ANXA8: variants seen among roughly 807,000 people sequenced by gnomAD.
ANXA8 encodes the protein VAC-beta.
In ANXA8, 9 loss-of-function variants were observed where a neutral mutation model predicts 26.8. That is an observed-to-expected ratio of 0.34 (90% CI 0.20 to 0.59). The LOEUF (loss-of-function observed/expected upper bound fraction) is 0.59. Ranked by LOEUF, ANXA8 falls within the 20% of genes least tolerant of loss-of-function variation. The pLI is 0.84. For synonymous variants in ANXA8, 39 were observed against 94.8 expected (o/e 0.41, Z 3.42); for missense variants, 83 against 238.5 (o/e 0.35, Z 4.29).
At chr10:47,733,191 T>TCTCTC in the ANXA8 span, among the ~76,000 whole-genome samples, 3 of 106,524 alleles carry the variant, frequency 2.8e-5, no homozygotes, top group African/African-American at 1.0e-4. Context: ...CTTTCTTTCT[T>TCTCTC]TCTTTCTTTC....
the ANXA8 span, among the ~76,000 whole-genome samples, chr10:47,679,985 T>C: frequency 1.3e-5 from 2 of 151,866 alleles, no homozygotes; most frequent in Non-Finnish European, 2.9e-5. Flanking sequence ...TTTTGTTTTT[T>C]TTTTTCTGAG....
At chr10:47,647,588 A>G in the ANXA8 span, among the ~76,000 whole-genome samples, 1 of 149,478 alleles carries the variant, frequency 6.7e-6, no homozygotes, top group South Asian at 2.1e-4. Context: ...ACTTTCCAGG[A>G]GAAATCACAG....
At chr10:47,521,274 C>A in the ANXA8 span, among the ~76,000 whole-genome samples, 2 of 136,968 alleles carry the variant, frequency 1.5e-5, 1 homozygote, top group African/African-American at 5.8e-5. Flanking sequence ...TGTGTAACAT[C>A]CATCAGGCTT....
chr10:47,895,801 A>G, the ANXA8 span, among the ~76,000 whole-genome samples: 1 of 150,086 alleles, frequency 6.7e-6, no homozygotes, highest in Non-Finnish European at 1.5e-5. Context: ...TGGCGGTGAG[A>G]TGGACTTGAG....
At chr10:47,889,016 GTATTTATT>G in the ANXA8 span, among the ~76,000 whole-genome samples, 10 of 107,886 alleles carry the variant, frequency 9.3e-5, 2 homozygotes, top group African/African-American at 3.8e-4. Flanking sequence ...GTGTGTGTGT[GTATTTATT>G]TATTTATTTA....
the ANXA8 span, among the ~76,000 whole-genome samples, chr10:47,694,221 T>A: frequency 1.1e-4 from 17 of 151,648 alleles, no homozygotes; most frequent in Non-Finnish European, 1.6e-4. Context: ...AAATCAGATT[T>A]TTTTTGTCTT....
chr10:47,591,434 A>ATTTTTTT, the ANXA8 span, among the ~76,000 whole-genome samples: 1 of 60,216 alleles, frequency 1.7e-5, no homozygotes, highest in Non-Finnish European at 2.9e-5. Flanking sequence ...TTCTTTCTGA[A>ATTTTTTT]TTTTTTTTTT....
At chr10:47,510,349 C>T in the ANXA8 span, 1 of 1,234,700 alleles carries the variant, frequency 8.1e-7, no homozygotes, top group African/African-American at 1.6e-5. Context: ...TGACAAAGCA[C>T]TAAGATATGT....
At chr10:47,627,146 G>A in the ANXA8 span, among the ~76,000 whole-genome samples, 6 of 149,728 alleles carry the variant, frequency 4.0e-5, 1 homozygote, top group South Asian at 8.3e-4. Flanking sequence ...CATGCTGACT[G>A]TACTCCTCTG....
At chr10:47,946,353 A>AG in the ANXA8 span, among the ~76,000 whole-genome samples, 8 of 150,532 alleles carry the variant, frequency 5.3e-5, 1 homozygote, top group East Asian at 1.4e-3. Context: ...CCTCCTCACT[A>AG]GTGTTTAACC....
chr10:47,676,066 A>G, the ANXA8 span, among the ~76,000 whole-genome samples: 32,469 of 147,828 alleles, frequency 0.22, 2,103 homozygotes, highest in East Asian at 0.45. Context: ...TGAATTCATT[A>G]CATGGGCTTA....
the ANXA8 span, among the ~76,000 whole-genome samples, chr10:47,747,810 G>A: frequency 4.9e-4 from 74 of 151,984 alleles, no homozygotes; most frequent in Middle Eastern, 6.8e-3. Flanking sequence ...GTGGAATAGA[G>A]ACTTTCATCA....
the ANXA8 span, among the ~76,000 whole-genome samples, chr10:47,956,774 T>G: frequency 1.3e-5 from 2 of 149,872 alleles, no homozygotes; most frequent in Non-Finnish European, 2.9e-5. Flanking sequence ...TTACCTTCCC[T>G]TCCTCGCACA....
At chr10:47,592,549 C>T in the ANXA8 span, among the ~76,000 whole-genome samples, 1 of 149,180 alleles carries the variant, frequency 6.7e-6, no homozygotes, top group Non-Finnish European at 1.5e-5. Flanking sequence ...AGGGTGTCCA[C>T]AGCACAGCAT....
At chr10:47,652,823 T>C in the ANXA8 span, among the ~76,000 whole-genome samples, 1 of 146,982 alleles carries the variant, frequency 6.8e-6, no homozygotes, top group Non-Finnish European at 1.5e-5. Flanking sequence ...TACCTTAAAA[T>C]TAGATTACCA....
the ANXA8 span, among the ~76,000 whole-genome samples, chr10:47,503,760 C>CAA: frequency 1.6e-5 from 1 of 63,662 alleles, no homozygotes; most frequent in African/African-American, 7.4e-5. Flanking sequence ...CCTGTCTTTA[C>CAA]AAAAAAAAAA....
chr10:47,957,911 A>C, the ANXA8 span, among the ~76,000 whole-genome samples: 2 of 150,496 alleles, frequency 1.3e-5, no homozygotes, highest in African/African-American at 2.5e-5. Context: ...CCTGCAATTC[A>C]ATAATAAGAA....
the ANXA8 span, among the ~76,000 whole-genome samples, chr10:47,976,442 T>C: frequency 6.6e-6 from 1 of 151,524 alleles, no homozygotes; most frequent in Non-Finnish European, 1.5e-5. Context: ...GCATGGTGGC[T>C]CACTCCTATA....
chr10:47,554,813 C>T, the ANXA8 span, among the ~76,000 whole-genome samples: 2 of 152,112 alleles, frequency 1.3e-5, no homozygotes, highest in Admixed American at 6.5e-5. Flanking sequence ...ACCTACGTGG[C>T]GCATGCTTCC....
Sources: gnomAD v4.1 joint callset for allele counts (sites outside exome capture counted in the v4.1 genomes callset) on GRCh38, gnomAD v4.1.1 for gene constraint, MANE v1.5 for transcripts, NCBI Gene and HGNC (gene_info 2026-07-23, HGNC 2026-07-21) for gene names.